CTNNA3: variants seen among roughly 807,000 people sequenced by gnomAD.
CTNNA3 encodes the protein catenin alpha-3.
In CTNNA3, 76 loss-of-function variants were observed where a neutral mutation model predicts 95.7. The ratio of observed to expected loss-of-function variants is 0.79; its 90% CI spans 0.66 to 0.96. CTNNA3 has a LOEUF of 0.96. CTNNA3 is among the 40% of genes least tolerant of loss of function. The pLI, the probability that CTNNA3 is intolerant of heterozygous loss-of-function variation, is 0.00. For missense variants in CTNNA3, 1,191 were observed against 1,089.8 expected (o/e 1.09, Z -1.31); for synonymous variants, 431 against 374.4 (o/e 1.15, Z -1.74).
At chr10:66,179,197 C>T (rs2085901070) in intron 13 of CTNNA3, among the ~76,000 whole-genome samples, 1 of 151,822 alleles carries the variant, frequency 6.6e-6, no homozygotes, top group Non-Finnish European at 1.5e-5. Context: ...TACAGTATAG[C>T]CATATCATGG....
At chr10:66,361,190 AAC>A (rs2092671718) in intron 12 of CTNNA3, among the ~76,000 whole-genome samples, 2 of 151,112 alleles carry the variant, frequency 1.3e-5, no homozygotes, top group South Asian at 2.1e-4. Flanking sequence ...GCTGGTCTCG[AAC>A]CCCTGGGCTC....
At chr10:66,188,697 A>G (rs1442574490) in intron 13 of CTNNA3, among the ~76,000 whole-genome samples, 2 of 151,376 alleles carry the variant, frequency 1.3e-5, no homozygotes, top group Middle Eastern at 3.2e-3. Context: ...TGGCTATTGT[A>G]AATAATGCTG....
intron 7 of CTNNA3, among the ~76,000 whole-genome samples, chr10:66,830,615 G>GT (rs1842680475): frequency 9.3e-6 from 1 of 107,804 alleles, no homozygotes; most frequent in Non-Finnish European, 2.0e-5. Flanking sequence ...TTTTTTTTTT[G>GT]TTTTTCCTTT....
At chr10:66,415,214 C>T (rs1277052714) in intron 11 of CTNNA3, among the ~76,000 whole-genome samples, 2 of 152,100 alleles carry the variant, frequency 1.3e-5, no homozygotes, top group African/African-American at 4.8e-5. Context: ...CAGGTTTCCC[C>T]ATCATCCCCA....
At chr10:65,979,705 C>T (rs1464580457) in intron 16 of CTNNA3, among the ~76,000 whole-genome samples, 2 of 151,702 alleles carry the variant, frequency 1.3e-5, no homozygotes, top group African/African-American at 2.4e-5. Context: ...AGATAATCAC[C>T]CTAGGAGCAT....
chr10:65,974,807 T>C (rs189777233), intron 16 of CTNNA3, among the ~76,000 whole-genome samples: 1 of 152,252 alleles, frequency 6.6e-6, no homozygotes, highest in Non-Finnish European at 1.5e-5. Context: ...GGGAAAGAAA[T>C]ATATGACAAT....
rs116487272 is a variant in CTNNA3 at position 66,472,730 on chromosome 10, C to T, written c.1531+47887G>A. Among the ~76,000 whole-genome samples, 608 of 152,052 alleles carry T rather than the reference C, an allele frequency of 4.0e-3. 8 individuals carry two copies. Among genetic ancestry groups the T allele is most frequent in the African/African-American group, 0.014 (595 of 41,520 alleles). ...GTTATAAAACATTTTGAAATACTTA[C>T]ATGAAATAATCTAATTATTCCAGTA... On this transcript the variant is annotated intron_variant, in intron 11 of 17. Coordinates refer to ENST00000433211, the MANE Select transcript of CTNNA3 (RefSeq NM_013266.4).
chr10:66,014,224 T>C (rs2079054413), intron 15 of CTNNA3, among the ~76,000 whole-genome samples: 1 of 152,146 alleles, frequency 6.6e-6, no homozygotes, highest in Admixed American at 6.6e-5. Context: ...TTGGGTGCAT[T>C]TAAGCTCAGA....
At chr10:66,817,812 T>C (rs1842147718) in intron 7 of CTNNA3, among the ~76,000 whole-genome samples, 2 of 152,058 alleles carry the variant, frequency 1.3e-5, no homozygotes, top group East Asian at 1.9e-4. Context: ...CAGCATTACA[T>C]TGACACTAAA....
intron 7 of CTNNA3, among the ~76,000 whole-genome samples, chr10:67,034,990 G>A (rs967611863): frequency 3.3e-5 from 5 of 152,126 alleles, no homozygotes; most frequent in Admixed American, 6.5e-5. Context: ...GGAAGGCCCC[G>A]TTCAGAAATC....
intron 7 of CTNNA3, among the ~76,000 whole-genome samples, chr10:66,828,014 T>C (rs946095079): frequency 6.6e-6 from 1 of 152,214 alleles, no homozygotes; most frequent in South Asian, 2.1e-4. Flanking sequence ...ATAAGAATAA[T>C]GCCATGCTTA....
intron 13 of CTNNA3, among the ~76,000 whole-genome samples, chr10:66,273,814 A>C (rs750297078): frequency 3.9e-5 from 6 of 152,088 alleles, no homozygotes; most frequent in Non-Finnish European, 8.8e-5. Context: ...GGGTGAGAAA[A>C]AGAGTACCTG....
At chr10:67,093,279 G>A (rs964232818) in intron 7 of CTNNA3, among the ~76,000 whole-genome samples, 1 of 151,836 alleles carries the variant, frequency 6.6e-6, no homozygotes, top group Non-Finnish European at 1.5e-5. Context: ...GACACTTAGG[G>A]TAACTGTTTA....
At chr10:67,544,611 AC>A (rs1464819544) in intron 3 of CTNNA3, among the ~76,000 whole-genome samples, 1 of 152,184 alleles carries the variant, frequency 6.6e-6, no homozygotes, top group Non-Finnish European at 1.5e-5. Flanking sequence ...ATACTGATCA[AC>A]CAGTATACTG....
intron 5 of CTNNA3, among the ~76,000 whole-genome samples, chr10:67,291,211 A>C (rs1466169714): frequency 6.6e-6 from 1 of 152,172 alleles, no homozygotes; most frequent in Non-Finnish European, 1.5e-5. Flanking sequence ...AAAGAAAATA[A>C]TACATGTACA....
chr10:66,924,081 A>G (rs2132610569), intron 7 of CTNNA3, among the ~76,000 whole-genome samples: 1 of 152,264 alleles, frequency 6.6e-6, no homozygotes, highest in South Asian at 2.1e-4. Context: ...ATTTCATCAG[A>G]GACTATTGAA....
At chr10:67,650,133 T>C (rs1839835482) in intron 1 of CTNNA3, among the ~76,000 whole-genome samples, 1 of 152,208 alleles carries the variant, frequency 6.6e-6, no homozygotes, top group Non-Finnish European at 1.5e-5. Flanking sequence ...GCCACCACCC[T>C]GGCCGGCATT....
chr10:67,751,181 CAT>C (rs1392927462), intron 1 of CTNNA3: 2 of 1,269,224 alleles, frequency 1.6e-6, no homozygotes, highest in Non-Finnish European at 2.3e-6. Flanking sequence ...GGGCCCGTAA[CAT>C]GTTGCAATCC....
At position 65,956,548 on chromosome 10, in the gene CTNNA3, C is replaced by T. The variant is rs564337026; in HGVS notation, c.2400+10064G>A. Among the ~76,000 whole-genome samples, 399 of 152,260 alleles carry T rather than the reference C, an allele frequency of 2.6e-3. 2 individuals are homozygous for T. The highest frequency in any genetic ancestry group is 8.8e-3 in the African/African-American group (365 of 41,556). On this transcript the variant is annotated intron_variant, in intron 17 of 17. Coordinates refer to ENST00000433211, the MANE Select transcript of CTNNA3 (RefSeq NM_013266.4). ...TTAGTGCTATAAATTTCCCTCTACA[C>T]ACTGCTTTAAATGTGTCCCAGAGAT...
Sources: gnomAD v4.1 joint callset for allele counts (sites outside exome capture counted in the v4.1 genomes callset) on GRCh38, gnomAD v4.1.1 for gene constraint, MANE v1.5 for transcripts, NCBI Gene and HGNC (gene_info 2026-07-23, HGNC 2026-07-21) for gene names.